Variants in COQ10B observed in about 807,000 individuals in gnomAD.
COQ10B encodes the protein coenzyme Q-binding protein COQ10 homolog B, mitochondrial.
A neutral mutation model predicts 27.6 loss-of-function variants in COQ10B; 12 were observed. The observed-to-expected ratio is 0.43, with a 90% CI of 0.28 to 0.70. The LOEUF (loss-of-function observed/expected upper bound fraction) is 0.70, where lower values mean the gene tolerates loss of function less well. Ranked by LOEUF, COQ10B falls within the 30% of genes least tolerant of loss-of-function variation. The pLI, the probability that COQ10B is intolerant of heterozygous loss-of-function variation, is 0.17. For missense variants in COQ10B, 278 were observed against 288.7 expected, an observed-to-expected ratio of 0.96 and a Z score of 0.27; for synonymous variants, 115 against 103.0, an observed-to-expected ratio of 1.12 and a Z score of -0.71.
intron 4 of COQ10B, among the ~76,000 whole-genome samples, chr2:197,470,752 G>A (rs990576355): frequency 5.3e-5 from 8 of 152,072 alleles, no homozygotes; most frequent in South Asian, 4.1e-4. Flanking sequence ...AAAATTAGCC[G>A]GGCGTGGTGG....
intron 3 of COQ10B, among the ~76,000 whole-genome samples, chr2:197,467,369 C>T (rs529580440): frequency 3.3e-5 from 5 of 151,520 alleles, no homozygotes; most frequent in South Asian, 2.1e-4. Flanking sequence ...TCTTGTTGCC[C>T]GGGTTCTGGA....
Position 197,473,882 on chromosome 2 carries a change from T to A in COQ10B, c.675T>A (p.Asn225Lys), listed in dbSNP as rs1461238891. The change falls in exon 5 of 5, where the codon AAT becomes AAA. Residue 225 changes from asparagine to lysine, a missense_variant. Around this residue, in one of 3 missense-constraint regions of COQ10B, gnomAD observed 83 missense variants for 104.5 expected, o/e 0.79. Coordinates refer to ENST00000263960, the MANE Select transcript of COQ10B (RefSeq NM_025147.5). ...RACKLYGPET[N>K]IPRELMLHEV... The stretch of plus-strand genomic sequence containing the variant: ...GTAAGCTGTATGGTCCAGAAACAAA[T>A]ATACCTCGGGAGTTAATGCTTCATG... The A allele has an allele frequency of 1.9e-6, 3 of 1,591,108 alleles. No homozygotes were observed. Among genetic ancestry groups the A allele is most frequent in the Non-Finnish European group, 2.6e-6 (3 of 1,166,068 alleles).
chr2:197,470,930 T>C (rs1210378516), intron 4 of COQ10B, among the ~76,000 whole-genome samples: 3 of 152,058 alleles, frequency 2.0e-5, no homozygotes, highest in African/African-American at 7.2e-5. Flanking sequence ...TATCCTTGTG[T>C]AGTGGTGCCC....
Position 197,465,636 on chromosome 2 carries a change from GT to G in COQ10B, c.447+2906del, listed in dbSNP as rs1209450831. ...AAACCTACAGGATAAGCTAGGTTTG[GT>G]AGCATGCACCTGTAATCCCAGCTAC... On this transcript the variant is annotated intron_variant, in intron 3 of 4. Transcript: ENST00000263960. Among the ~76,000 whole-genome samples, 4 of 152,138 alleles carry G rather than the reference GT, an allele frequency of 2.6e-5. No homozygotes were observed. In the East Asian group the frequency reaches 7.7e-4, roughly 29 times the overall value.
chr2:197,465,289 CT>C (rs58319806), intron 3 of COQ10B, among the ~76,000 whole-genome samples: 6,081 of 142,766 alleles, frequency 0.043, 359 homozygotes, highest in African/African-American at 0.14. Flanking sequence ...TCCCTGCCGC[CT>C]TTTTTTTTTT....
Position 197,458,717 on chromosome 2 carries a change from G to C in COQ10B, c.105-1215G>C, listed in dbSNP as rs145234026. Among the ~76,000 whole-genome samples the C allele has an allele frequency of 2.8e-3, 371 of 131,448 alleles. 5 individuals carry two copies. The highest frequency in any genetic ancestry group is 0.01 in the African/African-American group (359 of 34,956). 86.2% of individuals were successfully genotyped at this position (131,448 alleles called of 152,430 possible). Reference sequence around the variant, plus strand: ...TTTTTTTGAGACGGAGTCTCATTCTGTTACCCAGGCTAGAGTGTGGTTGCA... The same window carrying C: ...TTTTTTTGAGACGGAGTCTCATTCTCTTACCCAGGCTAGAGTGTGGTTGCA... On this transcript the variant is annotated intron_variant, in intron 1 of 4. Transcript: ENST00000263960.
chr2:197,458,116 C>CTTTT (rs140427468), intron 1 of COQ10B, among the ~76,000 whole-genome samples: 4 of 143,698 alleles, frequency 2.8e-5, no homozygotes, highest in Non-Finnish European at 4.6e-5. Flanking sequence ...TTTTCTTTTT[C>CTTTT]TTTTTTTTTT....
In COQ10B at chr2:197,458,826, G is replaced by A. The variant is rs137896932; in HGVS notation, c.105-1106G>A. On this transcript the variant is annotated intron_variant, in intron 1 of 4. Coordinates refer to ENST00000263960, the MANE Select transcript of COQ10B (RefSeq NM_025147.5). ...CTCCTGAGTAGCTGGGACTACAGGC[G>A]CCTGCCACCACACTCAGCTAATTTT... Among the ~76,000 whole-genome samples the A allele has an allele frequency of 5.7e-4, 86 of 151,904 alleles. 3 individuals are homozygous for A. In the East Asian group the frequency reaches 0.015, roughly 27 times the overall value.
intron 2 of COQ10B, 135 bp from the exon 3 acceptor site, chr2:197,462,404 G>C: frequency 1.9e-6 from 1 of 530,148 alleles, no homozygotes; most frequent in Admixed American, 4.2e-5. Flanking sequence ...ATTGATTCCA[G>C]AATGTGGTTT....
intron 1 of COQ10B, among the ~76,000 whole-genome samples, chr2:197,457,348 A>G (rs1257327791): frequency 2.0e-5 from 3 of 152,194 alleles, no homozygotes; most frequent in Non-Finnish European, 4.4e-5. Flanking sequence ...CCTAGTGCAA[A>G]TAAATGTTGA....
chr2:197,472,800 C>CA (rs34942079), intron 4 of COQ10B, among the ~76,000 whole-genome samples: 36,712 of 95,866 alleles, frequency 0.38, 8,072 homozygotes, highest in African/African-American at 0.63. Flanking sequence ...GGCTCCATCT[C>CA]AAAAAAAAAA....
At chr2:197,458,121 T>TC (rs1356695704) in intron 1 of COQ10B, among the ~76,000 whole-genome samples, 1 of 151,002 alleles carries the variant, frequency 6.6e-6, no homozygotes, top group Non-Finnish European at 1.5e-5. Flanking sequence ...TTTTTCTTTT[T>TC]TTTTTTTCTT....
At chr2:197,470,023 G>A in intron 3 of COQ10B, 47 bp from the exon 4 acceptor site, 1 of 1,140,878 alleles carries the variant, frequency 8.8e-7, no homozygotes, top group Non-Finnish European at 1.3e-6. Context: ...ATTATGTCCA[G>A]TAGCAAAGGT....
At chr2:197,454,826 C>G (rs982264642) in intron 1 of COQ10B, among the ~76,000 whole-genome samples, 1 of 152,120 alleles carries the variant, frequency 6.6e-6, no homozygotes, top group Admixed American at 6.6e-5. Context: ...GCATCAGATT[C>G]TGACCTTTAT....
At chr2:197,469,209 A>C (rs957699108) in intron 3 of COQ10B, among the ~76,000 whole-genome samples, 1 of 150,834 alleles carries the variant, frequency 6.6e-6, no homozygotes, top group Admixed American at 6.6e-5. Flanking sequence ...TAATTTTTAA[A>C]TTTTTTTCGA....
At chr2:197,465,600 C>G (rs1295207440) in intron 3 of COQ10B, among the ~76,000 whole-genome samples, 2 of 152,138 alleles carry the variant, frequency 1.3e-5, no homozygotes, top group African/African-American at 4.8e-5. Context: ...CCTCTCTCCC[C>G]TGCCTTCTTA....
rs1480519925 is a variant in COQ10B at position 197,473,979 on chromosome 2, G to A, written c.*55G>A. ...CTGACTTTAGTTTGTTCACTTTTAG[G>A]AAGTATTTTCATGACATGTTTTCAG... On this transcript the variant is annotated 3_prime_UTR_variant, in exon 5 of 5. Coordinates refer to ENST00000263960, the MANE Select transcript of COQ10B (RefSeq NM_025147.5). 4 of 1,348,408 alleles carry A rather than the reference G, an allele frequency of 3.0e-6. No individual in the cohort carries two copies. The highest frequency in any genetic ancestry group is 3.9e-6 in the Non-Finnish European group (4 of 1,021,318). The allele number at this position is 1,348,408 out of a possible 1,614,324, so 83.5% of individuals were successfully genotyped here. A position where few individuals can be genotyped will look rare whatever the true frequency, so the allele number is the denominator to read the frequency against.
Position 197,466,440 on chromosome 2 carries a change from C to G in COQ10B, c.448-3630C>G, listed in dbSNP as rs80041003. Reference sequence around the variant, plus strand: ...TTTATTCATGCTTTCTTTTATCACTCTGTAATATATTTCTTCAACAGGATT... The same window carrying G: ...TTTATTCATGCTTTCTTTTATCACTGTGTAATATATTTCTTCAACAGGATT... On this transcript the variant is annotated intron_variant, in intron 3 of 4. Transcript: ENST00000263960. Among the ~76,000 whole-genome samples the G allele has an allele frequency of 9.7e-3, 1,478 of 152,246 alleles. 34 individuals are homozygous for G. The highest frequency in any genetic ancestry group is 0.033 in the African/African-American group (1,360 of 41,540).
intron 3 of COQ10B, among the ~76,000 whole-genome samples, chr2:197,467,261 TA>T (rs869243998): frequency 1.3e-4 from 2 of 15,830 alleles, no homozygotes; most frequent in African/African-American, 9.5e-4. Context: ...TTCTGGATTT[TA>T]TTTATTTATT....
Sources: allele counts gnomAD v4.1 joint callset (sites outside exome capture counted in the v4.1 genomes callset), GRCh38; gene constraint gnomAD v4.1.1; regional missense constraint gnomAD v4.1.1; transcripts MANE v1.5; gene names NCBI Gene and HGNC (gene_info 2026-07-23, HGNC 2026-07-21).